FAM91A1: variants seen among roughly 807,000 people sequenced by gnomAD.
FAM91A1 encodes the protein protein FAM91A1.
In FAM91A1, 41 loss-of-function variants were observed where a neutral mutation model predicts 113.5. That is an observed-to-expected ratio of 0.36 (90% CI 0.28 to 0.47). The LOEUF (loss-of-function observed/expected upper bound fraction) is 0.47, where lower values mean the gene tolerates loss of function less well. FAM91A1 is among the 20% of genes least tolerant of loss of function. FAM91A1 has a pLI of 1.00. For synonymous variants in FAM91A1, 307 were observed against 347.9 expected (o/e 0.88, Z 1.31); for missense variants, 696 against 1,001.2 (o/e 0.70, Z 4.11).
chr8:123,774,927 A>G (rs776148064), intron 2 of FAM91A1, among the ~76,000 whole-genome samples: 4 of 152,208 alleles, frequency 2.6e-5, no homozygotes, highest in Non-Finnish European at 4.4e-5. Flanking sequence ...TTTGGCAAGA[A>G]TTATTCTCTA....
intron 3 of FAM91A1, 39 bp from the exon 4 acceptor site, chr8:123,777,226 A>G: frequency 1.5e-6 from 2 of 1,318,036 alleles, no homozygotes; most frequent in Non-Finnish European, 2.1e-6. Flanking sequence ...ATTTAAGGAC[A>G]TTTTAGATTT....
intron 20 of FAM91A1, among the ~76,000 whole-genome samples, chr8:123,806,542 G>A (rs543311610): frequency 1.3e-5 from 2 of 152,274 alleles, no homozygotes; most frequent in African/African-American, 4.8e-5. Context: ...CTTTATACAA[G>A]TGTTTCCAAA....
chr8:123,800,398 A>G (rs984381427), intron 18 of FAM91A1, among the ~76,000 whole-genome samples: 25 of 152,144 alleles, frequency 1.6e-4, no homozygotes, highest in African/African-American at 6.0e-4. Flanking sequence ...GTCTCTCTCA[A>G]AATACCTCGT....
At chr8:123,782,599 A>G (rs1815151603) in intron 8 of FAM91A1, among the ~76,000 whole-genome samples, 1 of 152,230 alleles carries the variant, frequency 6.6e-6, no homozygotes, top group African/African-American at 2.4e-5. Flanking sequence ...CTTGAATGGA[A>G]TACCTGTAGG....
Position 123,810,590 on chromosome 8 carries a change from G to A in FAM91A1, c.2331+239G>A, listed in dbSNP as rs73703666. 3,862 of 570,386 alleles carry A rather than the reference G, an allele frequency of 6.8e-3. 121 individuals carry two copies. Among genetic ancestry groups the A allele is most frequent in the African/African-American group, 0.066 (3,385 of 51,498 alleles). The allele number at this position is 570,386 out of a possible 1,614,324, so 35.3% of individuals were successfully genotyped here. ...TGCCAGTGCTTTATTCAACAGAAATGTGTTAAGTGTCTTTTATGGGCTGTG... is the reference window on the plus strand; with the variant it reads ...TGCCAGTGCTTTATTCAACAGAAATATGTTAAGTGTCTTTTATGGGCTGTG... On this transcript the variant is annotated intron_variant, in intron 23 of 23. Transcript: ENST00000334705.
At chr8:123,779,639 T>TA (rs1304936722) in intron 6 of FAM91A1, among the ~76,000 whole-genome samples, 2 of 152,320 alleles carry the variant, frequency 1.3e-5, no homozygotes, top group East Asian at 1.9e-4. Context: ...ACTTTCCTGT[T>TA]ACTGACAATA....
chr8:123,776,572 C>T (rs969331791), intron 3 of FAM91A1, among the ~76,000 whole-genome samples: 5 of 152,190 alleles, frequency 3.3e-5, no homozygotes, highest in Admixed American at 2.6e-4. Context: ...ATAGTTACTG[C>T]TGTCTCTTTA....
chr8:123,776,339 G>A (rs1157750750), intron 3 of FAM91A1, among the ~76,000 whole-genome samples: 3 of 152,330 alleles, frequency 2.0e-5, no homozygotes, highest in East Asian at 1.9e-4. Flanking sequence ...AGTTGGGAAC[G>A]TGTGGTAACA....
intron 16 of FAM91A1, among the ~76,000 whole-genome samples, chr8:123,798,768 GT>G (rs1055274658): frequency 2.6e-5 from 4 of 152,204 alleles, no homozygotes; most frequent in Non-Finnish European, 4.4e-5. Context: ...TTATGTTGCT[GT>G]TCTTCAGTGC....
chr8:123,801,487 T>G (rs142773014), intron 18 of FAM91A1, among the ~76,000 whole-genome samples: 30 of 152,360 alleles, frequency 2.0e-4, no homozygotes, highest in African/African-American at 6.5e-4. Flanking sequence ...CCGTAAAGAT[T>G]TCGTCAGTTC....
chr8:123,775,123 G>A (rs1463283171), intron 2 of FAM91A1, 24 bp from the exon 3 acceptor site: 23 of 1,547,940 alleles, frequency 1.5e-5, no homozygotes, highest in Non-Finnish European at 2.0e-5. Context: ...GAAAAAAACT[G>A]GAGAATTTCC....
intron 15 of FAM91A1, among the ~76,000 whole-genome samples, chr8:123,796,697 T>C (rs2130123002): frequency 6.7e-6 from 1 of 149,286 alleles, no homozygotes; most frequent in East Asian, 2.1e-4. Flanking sequence ...GACCTCGTGG[T>C]CTGCCCACCT....
chr8:123,790,274 A>T (rs776447885), intron 15 of FAM91A1, among the ~76,000 whole-genome samples: 1 of 152,244 alleles, frequency 6.6e-6, no homozygotes, highest in East Asian at 1.9e-4. Context: ...CTGTTGCCCT[A>T]CTGGGCACTC....
chr8:123,780,619 G>T, intron 8 of FAM91A1, 77 bp downstream of exon 8: 1 of 1,150,374 alleles, frequency 8.7e-7, no homozygotes, highest in African/African-American at 1.6e-5. Flanking sequence ...TCCGTTCTAG[G>T]ATCTTAGATG....
chr8:123,780,190 G>T, intron 7 of FAM91A1, 115 bp downstream of exon 7: 1 of 894,828 alleles, frequency 1.1e-6, no homozygotes, highest in South Asian at 1.8e-5. Context: ...TCTAAGGCAT[G>T]TTATTGTTTG....
rs1266934598 is a variant in FAM91A1 at position 123,776,806 on chromosome 8, T to G, written c.310-459T>G. Among the ~76,000 whole-genome samples, 4 of 152,162 alleles carry G rather than the reference T, an allele frequency of 2.6e-5. No homozygotes were observed. In the East Asian group the frequency reaches 7.7e-4, roughly 29 times the overall value. On this transcript the variant is annotated intron_variant, in intron 3 of 23. Transcript: ENST00000334705. ...GGGCAGAAAAAGCTGGATACCAAGTTTAGCTCTTCTACAGATTGGGACTTG... is the reference window on the plus strand; with the variant it reads ...GGGCAGAAAAAGCTGGATACCAAGTGTAGCTCTTCTACAGATTGGGACTTG...
intron 1 of FAM91A1, among the ~76,000 whole-genome samples, chr8:123,772,743 A>G (rs753551785): frequency 7.9e-5 from 12 of 152,240 alleles, no homozygotes; most frequent in Non-Finnish European, 1.8e-4. Flanking sequence ...GAAGTTAACT[A>G]CTAATAGCCT....
At chr8:123,782,186 C>T (rs1305667429) in intron 8 of FAM91A1, among the ~76,000 whole-genome samples, 1 of 152,198 alleles carries the variant, frequency 6.6e-6, no homozygotes, top group Non-Finnish European at 1.5e-5. Flanking sequence ...TGCCCCATTA[C>T]ATTGATGTGT....
At position 123,768,604 on chromosome 8, in the gene FAM91A1, C is replaced by A; in HGVS notation, c.-99C>A. The A allele has an allele frequency of 9.4e-7, 1 of 1,064,060 alleles. No homozygotes were observed. Among genetic ancestry groups the A allele is most frequent in the South Asian group, 1.7e-5 (1 of 59,998 alleles). The allele number at this position is 1,064,060 out of a possible 1,614,324, so 65.9% of individuals were successfully genotyped here. A position where few individuals can be genotyped will look rare whatever the true frequency, so the allele number is the denominator to read the frequency against. On this transcript the variant is annotated 5_prime_UTR_variant, in exon 1 of 24. Coordinates refer to ENST00000334705, the MANE Select transcript of FAM91A1 (RefSeq NM_144963.4). ...GCCTTCTGCAGTGTGAGGCGCGGGG[C>A]CTCCCGCGTCGCTCCGCTGACAGGC...
Sources: gnomAD v4.1 joint callset for allele counts (sites outside exome capture counted in the v4.1 genomes callset) on GRCh38, gnomAD v4.1.1 for gene constraint, MANE v1.5 for transcripts, NCBI Gene and HGNC (gene_info 2026-07-23, HGNC 2026-07-21) for gene names.